PUM2: variants seen among roughly 807,000 people sequenced by gnomAD.
The protein encoded by PUM2 is pumilio homolog 2.
Under a neutral mutation model 124.5 loss-of-function variants are expected in PUM2, and 57 were observed. The observed-to-expected ratio is 0.46, with a 90% CI of 0.37 to 0.57. The LOEUF is 0.57. PUM2 is among the 20% of genes least tolerant of loss of function. PUM2 has a pLI of 0.00. For missense variants in PUM2, 1,065 were observed against 1,290.6 expected (o/e 0.83, Z 2.68); for synonymous variants, 460 against 446.1 (o/e 1.03, Z -0.39).
intron 8 of PUM2, among the ~76,000 whole-genome samples, chr2:20,295,789 T>C (rs564528175): frequency 9.7e-4 from 148 of 152,350 alleles, no homozygotes; most frequent in African/African-American, 3.4e-3. Flanking sequence ...ATATTTTGGA[T>C]ATGTTGGGAC....
chr2:20,287,256 T>C (rs1190227508), intron 10 of PUM2, among the ~76,000 whole-genome samples: 2 of 151,904 alleles, frequency 1.3e-5, no homozygotes, highest in East Asian at 1.9e-4. Flanking sequence ...AAACCACAAA[T>C]AGCTAAATGA....
At chr2:20,337,795 T>A (rs1416632112) in intron 1 of PUM2, among the ~76,000 whole-genome samples, 4 of 152,076 alleles carry the variant, frequency 2.6e-5, no homozygotes, top group Non-Finnish European at 5.9e-5. Context: ...TCCAAAAGGG[T>A]ACAAATTTTG....
Position 20,294,427 on chromosome 2 carries a change from A to G in PUM2, c.1101T>C (p.Asn367=). 1 of 1,614,148 alleles carries G rather than the reference A, an allele frequency of 6.2e-7. No individual in the cohort carries two copies. Among genetic ancestry groups the G allele is most frequent in the South Asian group, 1.1e-5 (1 of 91,082 alleles). The change falls in exon 9 of 21, where the codon AAT becomes AAC. Residue 367 remains asparagine, a synonymous_variant. Coordinates refer to ENST00000361078, the MANE Select transcript of PUM2 (RefSeq NM_015317.5). The stretch of plus-strand genomic sequence containing the variant: ...ATGCTGCTTGCTGACTGGCTGTGTT[A>G]TTTGCCGCAGCTGCAGCTTGCTGCT... ...LFQQQAAAAA[N]NTASQQAASQ...
At chr2:20,338,442 A>T (rs1019253137) in intron 1 of PUM2, among the ~76,000 whole-genome samples, 14 of 152,152 alleles carry the variant, frequency 9.2e-5, no homozygotes, top group African/African-American at 3.4e-4. Flanking sequence ...TTTACCACTT[A>T]TCCCTTCATG....
chr2:20,258,834 AT>A (rs1378936951), intron 15 of PUM2, among the ~76,000 whole-genome samples: 3 of 150,752 alleles, frequency 2.0e-5, no homozygotes, highest in Admixed American at 6.6e-5. Context: ...CGCCCGGCTA[AT>A]TTTTTGTATT....
In PUM2 at chr2:20,311,592, C is replaced by G. The variant is rs1160794613; in HGVS notation, c.420G>C (p.Glu140Asp). Reference protein sequence around the residue: ...DQKGKASPFEEDQNRDLKQGD... With the variant: ...DQKGKASPFEDDQNRDLKQGD... Reference sequence around the variant, plus strand: ...CTTGTTTAAGATCTCTGTTTTGGTCCTCCTCAAATGGAGAAGCCTTGCCTT... The same window carrying G: ...CTTGTTTAAGATCTCTGTTTTGGTCGTCCTCAAATGGAGAAGCCTTGCCTT... Residue 140 changes from glutamate (E) to aspartate (D), a missense_variant, in exon 5 of 21, where the codon GAG (glutamate) becomes GAC (aspartate). Glu to Asp is a conservative substitution (Grantham distance 45). This residue lies in a region of PUM2 where 968 missense variants were observed against 1,159.8 expected (regional missense o/e 0.83). Transcript: ENST00000361078. 1 of 1,613,348 alleles carries G rather than the reference C, an allele frequency of 6.2e-7. No homozygotes were observed.
intron 8 of PUM2, among the ~76,000 whole-genome samples, chr2:20,297,088 C>G (rs1349023442): frequency 6.6e-6 from 1 of 152,104 alleles, no homozygotes; most frequent in African/African-American, 2.4e-5. Flanking sequence ...TTTTGTCCCC[C>G]ACCTTGTTTG....
rs747470443 is a variant in PUM2, at chr2:20,283,111, T to G, written c.1556A>C (p.Gln519Pro). ...ACTGCTTCCATAAAATGAATTAGAT[T>G]GCAGATTAGTGCTTGGCTGCTGTTG... is the stretch of plus-strand genomic sequence containing the variant. ...QQQQQPSTNLQSNSFYGSSSL... is the reference protein window; with the variant it reads ...QQQQQPSTNLPSNSFYGSSSL... Residue 519 changes from glutamine to proline, a missense_variant, in exon 12 of 21, where the codon CAA becomes CCA. This residue lies in a region of PUM2 where 968 missense variants were observed against 1,159.8 expected (regional missense o/e 0.83). Transcript: ENST00000361078. The G allele has an allele frequency of 8.7e-6, 14 of 1,614,146 alleles. No homozygotes were observed. Among genetic ancestry groups the G allele is most frequent in the African/African-American group, 1.3e-5 (1 of 75,040 alleles).
chr2:20,313,835 CAAAAAAAAAAA>C (rs35569645), intron 3 of PUM2, among the ~76,000 whole-genome samples: 6 of 55,050 alleles, frequency 1.1e-4, no homozygotes, highest in Admixed American at 2.9e-4. Flanking sequence ...GATCCTGTCT[CAAAAAAAAAAA>C]AAAAAAAAAA....
intron 20 of PUM2, 57 bp downstream of exon 20, chr2:20,253,765 A>C (rs1054082469): frequency 5.5e-6 from 8 of 1,456,410 alleles, no homozygotes; most frequent in Non-Finnish European, 7.5e-6. Flanking sequence ...AAGGAGGTTA[A>C]ATGTGTAGCC....
chr2:20,272,335 T>C (rs1490496668), intron 13 of PUM2, among the ~76,000 whole-genome samples: 1 of 152,098 alleles, frequency 6.6e-6, no homozygotes, highest in Non-Finnish European at 1.5e-5. Flanking sequence ...GAATAAAGCG[T>C]GTTTGTGTGC....
chr2:20,333,748 T>C (rs1348773392), intron 1 of PUM2, among the ~76,000 whole-genome samples: 2 of 151,996 alleles, frequency 1.3e-5, no homozygotes, highest in Admixed American at 6.6e-5. Context: ...CCCTGAGATA[T>C]GGTTTGGATC....
chr2:20,304,071 G>A (rs1381472685), intron 7 of PUM2, among the ~76,000 whole-genome samples: 1 of 152,152 alleles, frequency 6.6e-6, no homozygotes, highest in Non-Finnish European at 1.5e-5. Flanking sequence ...TGTGGTATCA[G>A]AATTATTGCC....
chr2:20,288,909 T>C (rs550197447), intron 10 of PUM2, among the ~76,000 whole-genome samples: 1 of 152,298 alleles, frequency 6.6e-6, no homozygotes, highest in African/African-American at 2.4e-5. Context: ...CAAATCCTAG[T>C]AAGGCCCTTC....
At chr2:20,312,126 C>A (rs903888721) in intron 4 of PUM2, 110 bp downstream of exon 4, 2 of 1,014,730 alleles carry the variant, frequency 2.0e-6, no homozygotes, top group South Asian at 1.8e-5. Flanking sequence ...TACAAAATTT[C>A]TCTTAGCTAT....
At chr2:20,310,213 A>C (rs1301377647) in intron 5 of PUM2, among the ~76,000 whole-genome samples, 2 of 152,110 alleles carry the variant, frequency 1.3e-5, no homozygotes, top group Non-Finnish European at 2.9e-5. Context: ...GTAGTAACTA[A>C]TACTGTATCT....
At chr2:20,296,351 C>T (rs1427269063) in intron 8 of PUM2, among the ~76,000 whole-genome samples, 2 of 152,070 alleles carry the variant, frequency 1.3e-5, no homozygotes, top group African/African-American at 4.8e-5. Flanking sequence ...AAAAATTAGC[C>T]AGGCGTGGTG....
intron 13 of PUM2, among the ~76,000 whole-genome samples, chr2:20,271,144 A>G (rs1282551286): frequency 6.6e-6 from 1 of 152,148 alleles, no homozygotes. Flanking sequence ...TGTATTGAAC[A>G]CAGATATTCA....
At chr2:20,268,795 T>G (rs1054909419) in intron 13 of PUM2, among the ~76,000 whole-genome samples, 11 of 152,180 alleles carry the variant, frequency 7.2e-5, no homozygotes, top group African/African-American at 2.7e-4. Flanking sequence ...GCATTTTCAT[T>G]TTTTTCCCTC....
Sources: allele counts gnomAD v4.1 joint callset (sites outside exome capture counted in the v4.1 genomes callset), GRCh38; gene constraint gnomAD v4.1.1; regional missense constraint gnomAD v4.1.1; transcripts MANE v1.5; gene names NCBI Gene and HGNC (gene_info 2026-07-23, HGNC 2026-07-21).